Variants in GRIN2A observed in about 807,000 individuals in gnomAD.
GRIN2A encodes the protein glutamate receptor ionotropic, NMDA 2A.
In GRIN2A, 22 loss-of-function variants were observed where a neutral mutation model predicts 113.4. That is an observed-to-expected ratio of 0.19 (90% CI 0.14 to 0.28). The LOEUF (loss-of-function observed/expected upper bound fraction) is 0.28, where lower values mean the gene tolerates loss of function less well. Among genes scored for constraint, GRIN2A ranks in the 10% least tolerant of loss-of-function variants. GRIN2A has a pLI of 1.00. For missense variants in GRIN2A, 1,502 were observed against 1,887.0 expected (o/e 0.80, Z 3.78); for synonymous variants, 827 against 738.4 (o/e 1.12, Z -1.94).
intron 2 of GRIN2A, among the ~76,000 whole-genome samples, chr16:10,175,632 A>T (rs916004334): frequency 2.0e-5 from 3 of 152,210 alleles, no homozygotes; most frequent in African/African-American, 4.8e-5. Flanking sequence ...ACAGATAAAC[A>T]GTTTTTTTAA....
chr16:9,897,369 G>T (rs2043827465), intron 3 of GRIN2A, among the ~76,000 whole-genome samples: 1 of 152,014 alleles, frequency 6.6e-6, no homozygotes, highest in Non-Finnish European at 1.5e-5. Flanking sequence ...GGTGATCAGA[G>T]ATAACATTGA....
At chr16:10,030,124 A>G (rs960985254) in intron 2 of GRIN2A, among the ~76,000 whole-genome samples, 2 of 152,168 alleles carry the variant, frequency 1.3e-5, no homozygotes, top group Non-Finnish European at 2.9e-5. Context: ...TGGGCTGCCT[A>G]TGGACAGGAA....
At position 10,143,044 on chromosome 16, in the gene GRIN2A, G is replaced by T. The variant is rs2049359900; in HGVS notation, c.414+36954C>A. 2.6e-5 allele frequency among the ~76,000 whole-genome samples: 4 copies of T among 152,164 alleles called. 1 individual carries two copies. In the South Asian group the frequency reaches 8.3e-4, roughly 32 times the overall value. On this transcript the variant is annotated intron_variant, in intron 2 of 12. Transcript: ENST00000330684. ...ATAGATTACCTTAATTCTATTTTCT[G>T]TTTATCCAATTAGATTTGCCGGTCT... is the stretch of plus-strand genomic sequence containing the variant.
chr16:10,014,148 G>C (rs1786865966), intron 2 of GRIN2A, among the ~76,000 whole-genome samples: 1 of 152,220 alleles, frequency 6.6e-6, no homozygotes, highest in African/African-American at 2.4e-5. Flanking sequence ...AGTTGTGAGT[G>C]AATGTGTAGG....
chr16:10,043,313 T>C (rs935189570), intron 2 of GRIN2A, among the ~76,000 whole-genome samples: 2 of 152,152 alleles, frequency 1.3e-5, no homozygotes, highest in Non-Finnish European at 2.9e-5. Flanking sequence ...GAACTCAAAG[T>C]TGACATTCGT....
At chr16:9,824,325 C>T (rs2042346329) in intron 9 of GRIN2A, among the ~76,000 whole-genome samples, 1 of 152,198 alleles carries the variant, frequency 6.6e-6, no homozygotes, top group African/African-American at 2.4e-5. Flanking sequence ...CTCAAAAGGC[C>T]AAGCCCAGGC....
At chr16:10,163,291 G>A (rs756789614) in intron 2 of GRIN2A, among the ~76,000 whole-genome samples, 1 of 152,154 alleles carries the variant, frequency 6.6e-6, no homozygotes, top group Non-Finnish European at 1.5e-5. Context: ...CAAAGCACCA[G>A]GCTCAGAAGG....
intron 2 of GRIN2A, among the ~76,000 whole-genome samples, chr16:9,979,600 GTAAT>G (rs2045846694): frequency 6.6e-6 from 1 of 151,948 alleles, no homozygotes; most frequent in Admixed American, 6.6e-5. Context: ...TCCAAAATCT[GTAAT>G]TAGTTTTTTC....
At chr16:9,828,842 CAG>C (rs993981421) in intron 9 of GRIN2A, among the ~76,000 whole-genome samples, 8 of 151,968 alleles carry the variant, frequency 5.3e-5, no homozygotes, top group Non-Finnish European at 1.2e-4. Context: ...ATTAAAAAAA[CAG>C]AAAGAAAGAA....
chr16:10,110,797 A>T (rs968321267), intron 2 of GRIN2A, among the ~76,000 whole-genome samples: 5 of 152,200 alleles, frequency 3.3e-5, no homozygotes, highest in Admixed American at 6.5e-5. Flanking sequence ...CTTAGAAGCC[A>T]TATGTTGAAG....
Position 10,087,702 on chromosome 16 carries a change from G to C in GRIN2A, c.414+92296C>G, listed in dbSNP as rs569310255. Among the ~76,000 whole-genome samples the C allele has an allele frequency of 1.3e-4, 20 of 152,058 alleles. 1 individual carries two copies. In the South Asian group the frequency reaches 3.7e-3, roughly 28 times the overall value. ...TTCTTTTTTATTTATTTTTGGGCAG[G>C]GTTGGGGAACAGGGTCTTACTCTGT... On this transcript the variant is annotated intron_variant, in intron 2 of 12. Coordinates refer to ENST00000330684, the MANE Select transcript of GRIN2A (RefSeq NM_001134407.3).
intron 2 of GRIN2A, among the ~76,000 whole-genome samples, chr16:9,980,317 C>A (rs564341020): frequency 1.8e-4 from 27 of 151,342 alleles, no homozygotes; most frequent in African/African-American, 6.3e-4. Flanking sequence ...GAATGGCGAT[C>A]ATTAAAAAGT....
At chr16:9,925,380 T>A (rs1168871324) in intron 3 of GRIN2A, among the ~76,000 whole-genome samples, 2 of 152,206 alleles carry the variant, frequency 1.3e-5, no homozygotes, top group Non-Finnish European at 2.9e-5. Context: ...GGAGGCTTCT[T>A]TCTTTGGCTT....
intron 2 of GRIN2A, among the ~76,000 whole-genome samples, chr16:9,986,588 C>T (rs898865158): frequency 6.6e-6 from 1 of 151,890 alleles, no homozygotes; most frequent in Non-Finnish European, 1.5e-5. Flanking sequence ...CATAGTGAAA[C>T]CCCGTCTCTA....
chr16:10,172,474 C>T (rs1567348783), intron 2 of GRIN2A, among the ~76,000 whole-genome samples: 1 of 152,226 alleles, frequency 6.6e-6, no homozygotes, highest in Non-Finnish European at 1.5e-5. Context: ...ACATCATAGG[C>T]CTCACAGCCA....
At chr16:10,166,109 C>G (rs1454580775) in intron 2 of GRIN2A, among the ~76,000 whole-genome samples, 2 of 152,148 alleles carry the variant, frequency 1.3e-5, no homozygotes, top group Admixed American at 1.3e-4. Flanking sequence ...TAAAACAATT[C>G]GCCAGGAAAA....
At chr16:10,098,849 G>A (rs2048343203) in intron 2 of GRIN2A, among the ~76,000 whole-genome samples, 1 of 152,126 alleles carries the variant, frequency 6.6e-6, no homozygotes, top group Non-Finnish European at 1.5e-5. Flanking sequence ...TGGATTAAAT[G>A]TATACTGCTC....
chr16:9,840,672 G>A lies in GRIN2A; in HGVS notation c.1626C>T (p.Gly542=). The change falls in exon 7 of 13, where the codon GGC becomes GGT. Residue 542 remains glycine, a synonymous_variant. Coordinates refer to ENST00000330684, the MANE Select transcript of GRIN2A (RefSeq NM_001134407.3). ...GISVMVSRSN[G]TVSPSAFLEP... ...CTAGAAAAGCAGAAGGTGAGACGGT[G>A]CCATTACTTCTTGAAACCATGACAC... 3.7e-6 allele frequency: 6 copies of A among 1,613,746 alleles called. No homozygotes were observed. The highest frequency in any genetic ancestry group is 5.1e-6 in the Non-Finnish European group (6 of 1,179,784).
chr16:10,078,428 C>G (rs2047916522), intron 2 of GRIN2A, among the ~76,000 whole-genome samples: 1 of 152,026 alleles, frequency 6.6e-6, no homozygotes, highest in African/African-American at 2.4e-5. Flanking sequence ...AGAAAGTCCT[C>G]TTTCCAGCAT....
Sources: allele counts gnomAD v4.1 joint callset (sites outside exome capture counted in the v4.1 genomes callset), GRCh38; gene constraint gnomAD v4.1.1; transcripts MANE v1.5; gene names NCBI Gene and HGNC (gene_info 2026-07-23, HGNC 2026-07-21).